Variants in CFDP1 observed in about 807,000 individuals in gnomAD.
CFDP1 encodes chromatin remodeling protein CFDP1.
In CFDP1, 31 loss-of-function variants were observed where a neutral mutation model predicts 40.1. That is an observed-to-expected ratio of 0.77 (90% confidence interval 0.58 to 1.04). CFDP1 has a LOEUF of 1.04. Ranked by LOEUF, CFDP1 falls within the 50% of genes least tolerant of loss-of-function variation. The pLI is 0.00. For synonymous variants in CFDP1, 167 were observed against 120.0 expected (o/e 1.39, Z -2.56); for missense variants, 423 against 343.4 (o/e 1.23, Z -1.83).
At chr16:75,343,873 C>T (rs1038214738) in intron 5 of CFDP1, among the ~76,000 whole-genome samples, 2 of 152,140 alleles carry the variant, frequency 1.3e-5, no homozygotes, top group African/African-American at 4.8e-5. Context: ...GTAGACGGGG[C>T]AATACATAAG....
intron 5 of CFDP1, among the ~76,000 whole-genome samples, chr16:75,336,768 G>A (rs1186993741): frequency 6.6e-6 from 1 of 152,200 alleles, no homozygotes; most frequent in Non-Finnish European, 1.5e-5. Context: ...AACATGGATA[G>A]CCACACCCTT....
At chr16:75,331,851 A>G (rs144150464) in intron 5 of CFDP1, among the ~76,000 whole-genome samples, 215 of 152,304 alleles carry the variant, frequency 1.4e-3, no homozygotes, top group Non-Finnish European at 2.6e-3. Flanking sequence ...TGGGTCATAG[A>G]GTGGGCGTAT....
At chr16:75,429,115 T>G (rs190579608) in intron 1 of CFDP1, among the ~76,000 whole-genome samples, 9 of 151,336 alleles carry the variant, frequency 5.9e-5, no homozygotes, top group Non-Finnish European at 1.3e-4. Flanking sequence ...AGAGTCTGTC[T>G]CGAAAAAAAA....
chr16:75,318,963 G>C (rs1239612466), intron 5 of CFDP1, among the ~76,000 whole-genome samples: 1 of 152,174 alleles, frequency 6.6e-6, no homozygotes, highest in Non-Finnish European at 1.5e-5. Flanking sequence ...GAAATGAGAA[G>C]GCACATTAAG....
intron 6 of CFDP1, among the ~76,000 whole-genome samples, chr16:75,303,400 A>ATGAATGTATGTATGTATGTATGTATGT (rs1555552218): frequency 2.7e-5 from 4 of 146,168 alleles, no homozygotes; most frequent in East Asian, 2.0e-4. Context: ...TAAATAAATA[A>ATGAATGTATGTATGTATGTATGTATGT]ATGTATGTAT....
At chr16:75,401,850 T>C (rs2079057663) in intron 4 of CFDP1, among the ~76,000 whole-genome samples, 1 of 151,494 alleles carries the variant, frequency 6.6e-6, no homozygotes, top group Non-Finnish European at 1.5e-5. Flanking sequence ...GTTGAACATA[T>C]AAAAAAAAAT....
intron 5 of CFDP1, among the ~76,000 whole-genome samples, chr16:75,319,909 G>C (rs1597328753): frequency 6.6e-6 from 1 of 152,202 alleles, no homozygotes; most frequent in African/African-American, 2.4e-5. Flanking sequence ...TCGTTTCCAC[G>C]TAGTTTGATA....
chr16:75,360,548 T>A (rs2078674086), intron 5 of CFDP1, among the ~76,000 whole-genome samples: 2 of 152,214 alleles, frequency 1.3e-5, no homozygotes, highest in Non-Finnish European at 2.9e-5. Context: ...TTATATCGCA[T>A]TAACCCCCAA....
chr16:75,359,519 G>A (rs1483016885), intron 5 of CFDP1, among the ~76,000 whole-genome samples: 1 of 152,156 alleles, frequency 6.6e-6, no homozygotes, highest in African/African-American at 2.4e-5. Flanking sequence ...CTCTTAAGGG[G>A]TGGAAAAATA....
At chr16:75,363,842 A>G (rs2078695661) in intron 5 of CFDP1, among the ~76,000 whole-genome samples, 1 of 152,082 alleles carries the variant, frequency 6.6e-6, no homozygotes, top group Non-Finnish European at 1.5e-5. Flanking sequence ...TTTACTAACA[A>G]ACTATTATGA....
chr16:75,400,566 T>C (rs1567672751), intron 4 of CFDP1, among the ~76,000 whole-genome samples: 1 of 152,158 alleles, frequency 6.6e-6, no homozygotes, highest in Non-Finnish European at 1.5e-5. Context: ...CACAGGCTAC[T>C]GCTCTACCCC....
intron 4 of CFDP1, among the ~76,000 whole-genome samples, chr16:75,398,984 G>C (rs112372101): frequency 0.015 from 2,349 of 151,780 alleles, 18 homozygotes; most frequent in Non-Finnish European, 0.025. Flanking sequence ...GGGAACCCGG[G>C]AGGTGGAGCT....
At chr16:75,313,212 C>G (rs755057534) in intron 5 of CFDP1, among the ~76,000 whole-genome samples, 15 of 152,224 alleles carry the variant, frequency 9.9e-5, no homozygotes, top group Non-Finnish European at 1.9e-4. Flanking sequence ...TGCAGATCCT[C>G]TTCCACACCC....
At chr16:75,419,074 T>C in intron 1 of CFDP1, 1 of 421,310 alleles carries the variant, frequency 2.4e-6, no homozygotes, top group Non-Finnish European at 4.8e-6. Flanking sequence ...GCCCAGGAAT[T>C]GAAGGCTACA....
chr16:75,423,922 A>C (rs1452272866), intron 1 of CFDP1, among the ~76,000 whole-genome samples: 1 of 152,172 alleles, frequency 6.6e-6, no homozygotes, highest in Non-Finnish European at 1.5e-5. Context: ...GAAACCACAG[A>C]TACAGAAGGC....
At chr16:75,374,318 A>G (rs951523837) in intron 5 of CFDP1, among the ~76,000 whole-genome samples, 1 of 152,208 alleles carries the variant, frequency 6.6e-6, no homozygotes, top group African/African-American at 2.4e-5. Flanking sequence ...ATAAATGTAT[A>G]GGCAATAAGA....
At chr16:75,324,008 T>C (rs1053653875) in intron 5 of CFDP1, among the ~76,000 whole-genome samples, 2 of 152,202 alleles carry the variant, frequency 1.3e-5, no homozygotes, top group African/African-American at 4.8e-5. Flanking sequence ...TGCAGGGTAA[T>C]GATTAAATGA....
At chr16:75,401,653 T>A (rs1057125571) in intron 4 of CFDP1, among the ~76,000 whole-genome samples, 1 of 152,070 alleles carries the variant, frequency 6.6e-6, no homozygotes, top group Admixed American at 6.6e-5. Flanking sequence ...AGTTTCAGAA[T>A]GCTGGTGATA....
At position 75,412,051 on chromosome 16, in the gene CFDP1, T is replaced by A. The variant is rs921570509; in HGVS notation, c.403-99A>T. On this transcript the variant is annotated intron_variant, in intron 3 of 6. Transcript: ENST00000283882. ...TTTTCTTTGAGATAGCGTCTCACTC[T>A]GTAGCCCAAGCTGGAGTGCAGTAAC... 1.3e-5 allele frequency: 16 copies of A among 1,263,282 alleles called. No homozygotes were observed. In the African/African-American group the frequency reaches 2.1e-4, roughly 17 times the overall value. 78.3% of individuals were successfully genotyped at this position (1,263,282 alleles called of 1,614,324 possible).
Sources: allele counts gnomAD v4.1 joint callset (sites outside exome capture counted in the v4.1 genomes callset), GRCh38; gene constraint gnomAD v4.1.1; transcripts MANE v1.5; gene names NCBI Gene and HGNC (gene_info 2026-07-23, HGNC 2026-07-21).